The following SRCIN1 variants were observed in gnomAD, a reference collection of about 807,000 sequenced individuals.
SRCIN1 encodes the protein P130Cas-associated protein.
Under a neutral mutation model 116.2 loss-of-function variants are expected in SRCIN1, and 50 were observed. The ratio of observed to expected loss-of-function variants is 0.43; its 90% CI spans 0.34 to 0.54. The LOEUF is 0.54. SRCIN1 is among the 20% of genes least tolerant of loss of function. The pLI, the probability that SRCIN1 is intolerant of heterozygous loss-of-function variation, is 0.02. For missense variants in SRCIN1, 1,446 were observed against 1,672.0 expected (o/e 0.86, Z 2.36); for synonymous variants, 736 against 750.0 (o/e 0.98, Z 0.30).
chr17:38,553,803 T>G (rs1466554529), intron 11 of SRCIN1, among the ~76,000 whole-genome samples: 1 of 152,196 alleles, frequency 6.6e-6, no homozygotes. Context: ...AACTTGGTTC[T>G]AGAGTCAGAC....
chr17:38,574,548 A>G (rs1907287107), intron 2 of SRCIN1, among the ~76,000 whole-genome samples: 2 of 152,164 alleles, frequency 1.3e-5, no homozygotes, highest in Non-Finnish European at 2.9e-5. Flanking sequence ...CAGTGGGAGG[A>G]GGGCATAAAA....
At chr17:38,540,740 G>GGT (rs151164930) in intron 18 of SRCIN1, among the ~76,000 whole-genome samples, 7,271 of 146,790 alleles carry the variant, frequency 0.05, 356 homozygotes, top group African/African-American at 0.13. Context: ...AGCTGGCAGG[G>GGT]GTGTGTGTGT....
chr17:38,588,981 G>T (rs138520351), intron 1 of SRCIN1, among the ~76,000 whole-genome samples: 65 of 152,296 alleles, frequency 4.3e-4, no homozygotes, highest in Middle Eastern at 6.8e-3. Flanking sequence ...GAACCAGCAG[G>T]ATTCCTCCGG....
chr17:38,591,004 C>G (rs1035157235), intron 1 of SRCIN1, among the ~76,000 whole-genome samples: 2 of 152,212 alleles, frequency 1.3e-5, no homozygotes, highest in African/African-American at 4.8e-5. Flanking sequence ...CAGAGCCACC[C>G]CCAGATCACA....
Position 38,539,758 on chromosome 17 carries a change from C to T in SRCIN1, c.3417+4065G>A, listed in dbSNP as rs976895132. Among the ~76,000 whole-genome samples the T allele has an allele frequency of 6.6e-5, 10 of 152,030 alleles. No homozygotes were observed. In the East Asian group the frequency reaches 1.7e-3, roughly 26 times the overall value. On this transcript the variant is annotated intron_variant, in intron 18 of 18. Coordinates refer to ENST00000617146, the MANE Select transcript of SRCIN1 (RefSeq NM_025248.3). ...TAAAGTCTCTTCATCTGGGGCCGGA[C>T]GCAATGGCTCCCAGCACTTTGGGAG...
Position 38,562,735 on chromosome 17 carries a change from G to A in SRCIN1, c.834+92C>T. On this transcript the variant is annotated intron_variant, in intron 6 of 18. Transcript: ENST00000617146. This position sits in a 1 kb window ranked among gnomAD's most constrained non-coding sequence, Gnocchi z 4.2. ...CCCCTATGCTGTCTTCTCCAAAGCT[G>A]GCCCTGGTTCCAGATGACAACTGCC... 8.9e-7 allele frequency: 1 copy of A among 1,127,392 alleles called. No homozygotes were observed. The highest frequency in any genetic ancestry group is 1.3e-6 in the Non-Finnish European group (1 of 772,346). The allele number at this position is 1,127,392 out of a possible 1,614,324, so 69.8% of individuals were successfully genotyped here.
rs1254668393 is a variant in SRCIN1 at position 38,602,351 on chromosome 17, G to T, written c.22+3333C>A. The T allele has an allele frequency of 1.3e-5, 2 of 152,154 alleles. No individual in the cohort carries two copies. The highest frequency in any genetic ancestry group is 4.8e-5 in the African/African-American group (2 of 41,406). 9.4% of individuals were successfully genotyped at this position (152,154 alleles called of 1,614,324 possible). A position where few individuals can be genotyped will look rare whatever the true frequency, so the allele number is the denominator to read the frequency against. ...GGCCAGATTTTTATTATCTTTGCTC[G>T]AATGGGCCCTAGGAAGCCAGTGAGG... On this transcript the variant is annotated intron_variant, in intron 1 of 18. Coordinates refer to ENST00000617146, the MANE Select transcript of SRCIN1 (RefSeq NM_025248.3). This position sits in a 1 kb window ranked among gnomAD's most constrained non-coding sequence, Gnocchi z 4.2.
chr17:38,581,755 T>C (rs781669387), intron 1 of SRCIN1, among the ~76,000 whole-genome samples: 2 of 152,198 alleles, frequency 1.3e-5, no homozygotes, highest in Non-Finnish European at 2.9e-5. Context: ...TTTGAGGTAC[T>C]TGTGGCAACC....
At chr17:38,577,336 A>G (rs564662766) in intron 2 of SRCIN1, among the ~76,000 whole-genome samples, 45 of 152,100 alleles carry the variant, frequency 3.0e-4, no homozygotes, top group African/African-American at 1.1e-3. Flanking sequence ...ATCTTCTTCA[A>G]CTCTCTCTAA....
chr17:38,585,754 T>C lies in SRCIN1; in HGVS notation c.23-6963A>G, dbSNP rs1259633338. On this transcript the variant is annotated intron_variant, in intron 1 of 18. Transcript: ENST00000617146. The surrounding 1 kb of genome is among the most constrained non-coding windows in gnomAD (Gnocchi z 4.2). The stretch of plus-strand genomic sequence containing the variant: ...CCTTTCTGTAAACATTCCTGTGTAA[T>C]ATCCCCCCAAATTGCTAATACCCAG... 6.6e-6 allele frequency among the ~76,000 whole-genome samples: 1 copy of C among 152,192 alleles called. No individual in the cohort carries two copies. Among genetic ancestry groups the C allele is most frequent in the Non-Finnish European group, 1.5e-5 (1 of 68,034 alleles).
chr17:38,576,301 C>A (rs1460015445), intron 2 of SRCIN1, among the ~76,000 whole-genome samples: 1 of 152,110 alleles, frequency 6.6e-6, no homozygotes, highest in Non-Finnish European at 1.5e-5. Flanking sequence ...CTCTCAATAC[C>A]CTCTGCGCCC....
chr17:38,601,893 G>A (rs1055983327), intron 1 of SRCIN1, among the ~76,000 whole-genome samples: 4 of 152,250 alleles, frequency 2.6e-5, no homozygotes, highest in Non-Finnish European at 5.9e-5. Context: ...GAGGAAGGGG[G>A]AGGCAGAAGA....
At chr17:38,586,821 T>C (rs925363334) in intron 1 of SRCIN1, among the ~76,000 whole-genome samples, 2 of 152,218 alleles carry the variant, frequency 1.3e-5, no homozygotes, top group Admixed American at 1.3e-4. Context: ...GCCACTTAGT[T>C]GGTAAACGAG....
chr17:38,563,999 G>T lies in SRCIN1; in HGVS notation c.541+119C>A. 1 of 1,186,924 alleles carries T rather than the reference G, an allele frequency of 8.4e-7. No individual in the cohort carries two copies. The highest frequency in any genetic ancestry group is 1.4e-5 in the South Asian group (1 of 70,040). 73.5% of individuals were successfully genotyped at this position (1,186,924 alleles called of 1,614,324 possible). A position where few individuals can be genotyped will look rare whatever the true frequency, so the allele number is the denominator to read the frequency against. Reference sequence around the variant, plus strand: ...GGTTGCTTGGGGAGAAGGGGCTGTGGGAAAGAGAGCAGAGCTTGAGGCGAG... The same window carrying T: ...GGTTGCTTGGGGAGAAGGGGCTGTGTGAAAGAGAGCAGAGCTTGAGGCGAG... On this transcript the variant is annotated intron_variant, in intron 4 of 18. Transcript: ENST00000617146. The surrounding 1 kb of genome is among the most constrained non-coding windows in gnomAD (Gnocchi z 5.8).
intron 18 of SRCIN1, among the ~76,000 whole-genome samples, chr17:38,538,082 AGAGC>A (rs1337775939): frequency 6.6e-6 from 1 of 151,732 alleles, no homozygotes; most frequent in African/African-American, 2.4e-5. Context: ...CCTGGGTGAC[AGAGC>A]GAGGGTCCAT....
chr17:38,581,166 G>A (rs1907777606), intron 1 of SRCIN1, among the ~76,000 whole-genome samples: 1 of 152,124 alleles, frequency 6.6e-6, no homozygotes, highest in African/African-American at 2.4e-5. Context: ...CAGCACTTTG[G>A]GAGGCCGAGG....
intron 18 of SRCIN1, chr17:38,543,265 A>G: frequency 2.2e-6 from 1 of 452,636 alleles, no homozygotes; most frequent in Non-Finnish European, 4.5e-6. Flanking sequence ...CCCAAACACA[A>G]GGCTGAAAAG....
In SRCIN1 at chr17:38,552,952, G is replaced by A. The variant is rs1446032294; in HGVS notation, c.2202-97C>T. The A allele has an allele frequency of 2.0e-5, 30 of 1,523,718 alleles. No individual in the cohort carries two copies. The highest frequency in any genetic ancestry group is 2.6e-5 in the Non-Finnish European group (30 of 1,135,448). The allele number at this position is 1,523,718 out of a possible 1,614,324, so 94.4% of individuals were successfully genotyped here. A position where few individuals can be genotyped will look rare whatever the true frequency, so the allele number is the denominator to read the frequency against. On this transcript the variant is annotated intron_variant, in intron 11 of 18. Coordinates refer to ENST00000617146, the MANE Select transcript of SRCIN1 (RefSeq NM_025248.3). The surrounding 1 kb of genome is among the most constrained non-coding windows in gnomAD (Gnocchi z 5.3). ...CTGGAAAGAAATCAGGCCACCAGTT[G>A]GATCGAAAGTAAAAGCAGGAGGCTG...
intron 1 of SRCIN1, among the ~76,000 whole-genome samples, chr17:38,583,010 G>A (rs562757992): frequency 2.6e-5 from 4 of 152,214 alleles, no homozygotes; most frequent in African/African-American, 7.2e-5. Context: ...CACTGGGAGA[G>A]AAAAACCCAG....
Sources: gnomAD v4.1 joint callset for allele counts (sites outside exome capture counted in the v4.1 genomes callset) on GRCh38, gnomAD v4.1.1 for gene constraint, Gnocchi (gnomAD v3.1) non-coding constraint, MANE v1.5 for transcripts, NCBI Gene and HGNC (gene_info 2026-07-23, HGNC 2026-07-21) for gene names.